TLR8: variants seen among roughly 807,000 people sequenced by gnomAD.
TLR8 encodes toll like receptor 8.
TLR8 carries 5 observed loss-of-function variants against 18.5 expected under a neutral mutation model. That is an observed-to-expected ratio of 0.27 (90% CI 0.14 to 0.57). The LOEUF (loss-of-function observed/expected upper bound fraction) is 0.57, where lower values mean the gene tolerates loss of function less well. Among genes scored for constraint, TLR8 ranks in the 20% least tolerant of loss-of-function variants. The pLI is 0.92. For missense variants in TLR8, 543 were observed against 769.8 expected (o/e 0.71, Z 3.49); for synonymous variants, 299 against 300.1 (o/e 1.00, Z 0.04).
In TLR8 at chrX:12,919,398, G is replaced by A; in HGVS notation, c.358G>A (p.Ala120Thr). 1.7e-6 allele frequency: 2 copies of A among 1,211,426 alleles called. No homozygotes were observed. Among genetic ancestry groups the A allele is most frequent in the Non-Finnish European group, 2.2e-6 (2 of 895,437 alleles). The change falls in exon 2 of 2, where the codon GCA (alanine) becomes ACA (threonine). Residue 120 changes from alanine to threonine, a missense_variant. Coordinates refer to ENST00000218032, the MANE Select transcript of TLR8 (RefSeq NM_138636.5). ...QSNGLNITDG[A>T]FLNLKNLREL... ...AAATGGCTTGAATATCACAGACGGG[G>A]CATTCCTCAACCTAAAAAACCTAAG... is the stretch of plus-strand genomic sequence containing the variant.
intron 1 of TLR8, among the ~76,000 whole-genome samples, chrX:12,907,342 G>A (rs1020937741): frequency 4.5e-5 from 5 of 112,222 alleles, no homozygotes; most frequent in African/African-American, 1.3e-4. Context: ...CAGGTGGTCC[G>A]TTTTTGTTAT....
At position 12,922,156 on chromosome X, in the gene TLR8, A is replaced by G. The variant is rs200421327; in HGVS notation, c.3116A>G (p.Lys1039Arg). The change falls in exon 2 of 2, where the codon AAG becomes AGG. Residue 1039 changes from lysine to arginine, a missense_variant. Coordinates refer to ENST00000218032, the MANE Select transcript of TLR8 (RefSeq NM_138636.5). ...RYNNMYVDSI[K>R]QY ...AACAATATGTATGTCGATTCCATTA[A>G]GCAATACTAACTGACGTTAAGTCAT... The G allele has an allele frequency of 5.9e-6, 7 of 1,192,149 alleles. No individual in the cohort carries two copies. The African/African-American group carries it at 1.1e-4, about 18-fold the overall frequency.
rs183801068 is a variant in TLR8 at position 12,919,532 on chromosome X, G to C, written c.492G>C (p.Glu164Asp). Residue 164 changes from glutamate to aspartate, a missense_variant, in exon 2 of 2, where the codon GAG becomes GAC. Glu to Asp is a conservative substitution (Grantham distance 45, BLOSUM62 2). Transcript: ENST00000218032. The stretch of plus-strand genomic sequence containing the variant: ...ACAATATATACAACATAACTAAAGA[G>C]GGCATTTCAAGACTTATAAACTTGA... The part of the protein sequence containing the change: ...IQNNIYNITK[E>D]GISRLINLKN... The C allele has an allele frequency of 5.2e-5, 63 of 1,204,347 alleles. No homozygotes were observed. The East Asian group carries it at 1.5e-3, about 29-fold the overall frequency.
In TLR8 at chrX:12,921,216, C is replaced by T; in HGVS notation, c.2176C>T (p.His726Tyr). Residue 726 changes from histidine to tyrosine, a missense_variant, in exon 2 of 2, where the codon CAC (histidine) becomes TAC (tyrosine). This residue lies in a region of TLR8 where 227 missense variants were observed against 312.9 expected (regional missense o/e 0.73). Transcript: ENST00000218032. The part of the protein sequence containing the change: ...TLLLSHNRIS[H>Y]LPSGFLSEVS... The stretch of plus-strand genomic sequence containing the variant: ...GCTGCTGAGTCATAACAGGATTTCC[C>T]ACCTACCCTCTGGCTTTCTTTCTGA... 1 of 1,211,789 alleles carries T rather than the reference C, an allele frequency of 8.3e-7. No individual in the cohort carries two copies. Among genetic ancestry groups the T allele is most frequent in the South Asian group, 1.8e-5 (1 of 57,003 alleles).
At position 12,921,844 on chromosome X, in the gene TLR8, G is replaced by A; in HGVS notation, c.2804G>A (p.Ser935Asn). The change falls in exon 2 of 2, where the codon AGC becomes AAC. Residue 935 changes from serine to asparagine, a missense_variant. Around this residue, in one of 4 missense-constraint regions of TLR8, gnomAD observed 227 missense variants for 312.9 expected, o/e 0.73. Coordinates refer to ENST00000218032, the MANE Select transcript of TLR8 (RefSeq NM_138636.5). The stretch of plus-strand genomic sequence containing the variant: ...GCCATCATCGACAACCTCATGCAGA[G>A]CATCAACCAAAGCAAGAAAACAGTA... ...GLAIIDNLMQ[S>N]INQSKKTVFV... is the part of the protein sequence containing the mutation. 8.3e-7 allele frequency: 1 copy of A among 1,211,689 alleles called. No homozygotes were observed. Among genetic ancestry groups the A allele is most frequent in the Non-Finnish European group, 1.1e-6 (1 of 895,374 alleles).
chrX:12,922,201 G>A lies in TLR8; in HGVS notation c.*35G>A, dbSNP rs1241127783. The A allele has an allele frequency of 8.7e-7, 1 of 1,152,657 alleles. No individual in the cohort carries two copies. The highest frequency in any genetic ancestry group is 3.0e-5 in the East Asian group (1 of 33,270). 95.0% of individuals were successfully genotyped at this position (1,152,657 alleles called of 1,213,427 possible). A position where few individuals can be genotyped will look rare whatever the true frequency, so the allele number is the denominator to read the frequency against. The stretch of plus-strand genomic sequence containing the variant: ...AGTCATGATTTCGCGCCATAATAAA[G>A]ATGCAAAGGAATGACATTTCTGTAT... On this transcript the variant is annotated 3_prime_UTR_variant, in exon 2 of 2. Coordinates refer to ENST00000218032, the MANE Select transcript of TLR8 (RefSeq NM_138636.5).
Position 12,921,690 on chromosome X carries a change from A to G in TLR8, c.2650A>G (p.Ile884Val). Residue 884 changes from isoleucine to valine, a missense_variant, in exon 2 of 2, where the codon ATT becomes GTT. Ile to Val is a conservative substitution (Grantham distance 29, BLOSUM62 3). Coordinates refer to ENST00000218032, the MANE Select transcript of TLR8 (RefSeq NM_138636.5). ...STSQTFYDAY[I>V]SYDTKDASVT... Reference sequence around the variant, plus strand: ...ATCCCAAACTTTCTATGATGCTTACATTTCTTATGACACCAAAGATGCCTC... The same window carrying G: ...ATCCCAAACTTTCTATGATGCTTACGTTTCTTATGACACCAAAGATGCCTC... The G allele has an allele frequency of 8.3e-7, 1 of 1,211,335 alleles. No individual in the cohort carries two copies. Among genetic ancestry groups the G allele is most frequent in the Non-Finnish European group, 1.1e-6 (1 of 895,454 alleles).
intron 1 of TLR8, 110 bp downstream of exon 1, chrX:12,906,819 C>A: frequency 3.1e-6 from 2 of 645,917 alleles, no homozygotes; most frequent in Non-Finnish European, 2.2e-6. Context: ...AATAAATGGG[C>A]AAATAAGGAT....
At chrX:12,912,484 G>C (rs375679291) in intron 1 of TLR8, among the ~76,000 whole-genome samples, 1 of 113,381 alleles carries the variant, frequency 8.8e-6, no homozygotes, top group Non-Finnish European at 1.9e-5. Flanking sequence ...CTATGGACTT[G>C]AGCAGAGCAC....
intron 1 of TLR8, among the ~76,000 whole-genome samples, chrX:12,918,515 T>G (rs751358728): frequency 3.6e-5 from 4 of 111,330 alleles, no homozygotes; most frequent in Non-Finnish European, 5.7e-5. Flanking sequence ...TAATCTCAGA[T>G]AGCTTCATCT....
intron 1 of TLR8, among the ~76,000 whole-genome samples, chrX:12,912,019 C>T (rs781422955): frequency 1.8e-5 from 2 of 112,528 alleles, no homozygotes; most frequent in African/African-American, 3.2e-5. Flanking sequence ...TCGGAGCACC[C>T]GACTGTTAGG....
At chrX:12,908,497 C>T (rs750887215) in intron 1 of TLR8, among the ~76,000 whole-genome samples, 4 of 112,966 alleles carry the variant, frequency 3.5e-5, no homozygotes, top group South Asian at 3.6e-4. Flanking sequence ...TGTTAGCCTT[C>T]GCAATGGACT....
intron 1 of TLR8, among the ~76,000 whole-genome samples, chrX:12,908,993 T>C (rs1177500500): frequency 2.7e-5 from 3 of 112,076 alleles, no homozygotes; most frequent in Non-Finnish European, 5.6e-5. Flanking sequence ...CAGGGAAGGA[T>C]GTCATTACCC....
rs1175951823 is a variant in TLR8, at chrX:12,921,561, A to G, written c.2521A>G (p.Met841Val). The change falls in exon 2 of 2, where the codon ATG becomes GTG. Residue 841 changes from methionine to valine, a missense_variant. Around this residue, in one of 4 missense-constraint regions of TLR8, gnomAD observed 227 missense variants for 312.9 expected, o/e 0.73. Coordinates refer to ENST00000218032, the MANE Select transcript of TLR8 (RefSeq NM_138636.5). Reference sequence around the variant, plus strand: ...TTTCTTCACGTTCTTTATCACCACCATGGTTATGTTGGCTGCCCTGGCTCA... The same window carrying G: ...TTTCTTCACGTTCTTTATCACCACCGTGGTTATGTTGGCTGCCCTGGCTCA... ...LFFFTFFITT[M>V]VMLAALAHHL... 8.3e-7 allele frequency: 1 copy of G among 1,211,833 alleles called. No individual in the cohort carries two copies. Among genetic ancestry groups the G allele is most frequent in the Non-Finnish European group, 1.1e-6 (1 of 895,487 alleles).
At chrX:12,908,945 G>A (rs1355875293) in intron 1 of TLR8, among the ~76,000 whole-genome samples, 1 of 111,895 alleles carries the variant, frequency 8.9e-6, no homozygotes, top group Non-Finnish European at 1.9e-5. Context: ...CAGTCTTATG[G>A]AAGACCCCAG....
rs1023431289 is a variant in TLR8, at chrX:12,923,092, C to T, written c.*926C>T. ...TTTTTTAAAAGTATGCAGCTAAATT[C>T]GAAGCTTTTGGTCTATATTGTTAAT... On this transcript the variant is annotated 3_prime_UTR_variant, in exon 2 of 2. Transcript: ENST00000218032. 9 of 111,501 alleles carry T rather than the reference C, an allele frequency of 8.1e-5. No homozygotes were observed. Among genetic ancestry groups the T allele is most frequent in the Non-Finnish European group, 1.1e-4 (6 of 53,104 alleles). 9.2% of individuals were successfully genotyped at this position (111,501 alleles called of 1,213,427 possible).
In TLR8 at chrX:12,920,336, G is replaced by T. The variant is rs773744986; in HGVS notation, c.1296G>T (p.Pro432=). The change falls in exon 2 of 2, where the codon CCG becomes CCT. Residue 432 remains proline, a synonymous_variant. Coordinates refer to ENST00000218032, the MANE Select transcript of TLR8 (RefSeq NM_138636.5). ...ACTTGTCAGAAAACAGAATATCACC[G>T]TTGGTAAAAGATACCCGGCAGAGTT... ...IIYLSENRIS[P]LVKDTRQSYA... is the part of the protein sequence containing the mutation. 9 of 1,210,556 alleles carry T rather than the reference G, an allele frequency of 7.4e-6. No individual in the cohort carries two copies. In the African/African-American group the frequency reaches 1.0e-4, roughly 14 times the overall value.
At chrX:12,910,906 T>C (rs1250310438) in intron 1 of TLR8, among the ~76,000 whole-genome samples, 1 of 111,727 alleles carries the variant, frequency 9.0e-6, no homozygotes, top group Non-Finnish European at 1.9e-5. Flanking sequence ...TCATTAGCAA[T>C]AACTGTATTT....
intron 1 of TLR8, chrX:12,910,335 A>G: frequency 8.6e-7 from 1 of 1,164,040 alleles, no homozygotes; most frequent in Admixed American, 2.6e-5. Flanking sequence ...GTTAGGGAAC[A>G]TCAGCAAGAC....
Sources: gnomAD v4.1 joint callset for allele counts (sites outside exome capture counted in the v4.1 genomes callset) on GRCh38, gnomAD v4.1.1 for gene constraint, gnomAD v4.1.1 regional missense constraint, MANE v1.5 for transcripts, NCBI Gene and HGNC (gene_info 2026-07-23, HGNC 2026-07-21) for gene names.